Variants in SMG9 observed in about 807,000 individuals in gnomAD.
The protein encoded by SMG9 is SMG9 nonsense mediated mRNA decay factor.
SMG9 carries 55 observed loss-of-function variants against 64.0 expected under a neutral mutation model. The ratio of observed to expected loss-of-function variants is 0.86; its 90% CI spans 0.69 to 1.08. The LOEUF is 1.08. SMG9 is among the 50% of genes least tolerant of loss of function. The pLI, the probability that SMG9 is intolerant of heterozygous loss-of-function variation, is 0.00. For missense variants in SMG9, 554 were observed against 681.3 expected (o/e 0.81, Z 2.08); for synonymous variants, 244 against 254.8 (o/e 0.96, Z 0.41).
intron 7 of SMG9, among the ~76,000 whole-genome samples, chr19:43,738,688 TA>T (rs1968752196): frequency 6.6e-6 from 1 of 152,250 alleles, no homozygotes; most frequent in Non-Finnish European, 1.5e-5. Flanking sequence ...CAAAAAACTT[TA>T]AGAGCTAAAT....
intron 2 of SMG9, 82 bp downstream of exon 2, chr19:43,750,510 C>T: frequency 6.8e-7 from 1 of 1,475,230 alleles, no homozygotes; most frequent in South Asian, 1.3e-5. Flanking sequence ...ATATCCCCGG[C>T]ATCTGGATTA....
rs1398223170 is a variant in SMG9 at position 43,729,823 on chromosome 19, A to T, written c.*1773T>A. On this transcript the variant is annotated 3_prime_UTR_variant, in exon 14 of 14. Coordinates refer to ENST00000270066, the MANE Select transcript of SMG9 (RefSeq NM_019108.4). Reference sequence around the variant, plus strand: ...AAGCATTTCGGTAAAAGGGCAGTGAATGTCACAGCTCTGAAGGGCCTCGAG... The same window carrying T: ...AAGCATTTCGGTAAAAGGGCAGTGATTGTCACAGCTCTGAAGGGCCTCGAG... 1 of 152,352 alleles carries T rather than the reference A, an allele frequency of 6.6e-6. No homozygotes were observed. The highest frequency in any genetic ancestry group is 2.4e-5 in the African/African-American group (1 of 41,462). 9.4% of individuals were successfully genotyped at this position (152,352 alleles called of 1,614,324 possible).
rs9612 is a variant in SMG9, at chr19:43,731,365, A to G, written c.*231T>C. 296,094 of 1,351,690 alleles carry G rather than the reference A, an allele frequency of 0.22. 33,794 individuals carry two copies. Among genetic ancestry groups the G allele is most frequent in the African/African-American group, 0.35 (23,693 of 66,972 alleles). 83.7% of individuals were successfully genotyped at this position (1,351,690 alleles called of 1,614,324 possible). ...CCCTGTGGAGGACACAGGACGGGCT[A>G]CCCCATCTCAGGTTTGGGGTGGGAT... On this transcript the variant is annotated 3_prime_UTR_variant, in exon 14 of 14. Coordinates refer to ENST00000270066, the MANE Select transcript of SMG9 (RefSeq NM_019108.4).
chr19:43,749,728 A>T (rs970817775), intron 2 of SMG9, among the ~76,000 whole-genome samples: 1 of 152,134 alleles, frequency 6.6e-6, no homozygotes, highest in Non-Finnish European at 1.5e-5. Flanking sequence ...GCAGTGAGTC[A>T]CCTAGGTACA....
At chr19:43,744,665 C>T in intron 6 of SMG9, 107 bp downstream of exon 6, 1 of 714,986 alleles carries the variant, frequency 1.4e-6, no homozygotes. Flanking sequence ...AGAAAAGCAA[C>T]TTTCCAAAGT....
chr19:43,746,432 T>C (rs1969007189), intron 5 of SMG9, among the ~76,000 whole-genome samples: 1 of 152,116 alleles, frequency 6.6e-6, no homozygotes, highest in Non-Finnish European at 1.5e-5. Context: ...CTGCAGAAAG[T>C]TTTCCTTAAT....
In SMG9 at chr19:43,728,907, G is replaced by A; in HGVS notation, c.*2689C>T. 1 of 816,666 alleles carries A rather than the reference G, an allele frequency of 1.2e-6. No homozygotes were observed. The allele number at this position is 816,666 out of a possible 1,614,324, so 50.6% of individuals were successfully genotyped here. ...AGTTCCACCTGCTGGGAATGATGAA[G>A]GGACTGGAGAGCCACAAGCAGCAGG... is the stretch of plus-strand genomic sequence containing the variant. On this transcript the variant is annotated 3_prime_UTR_variant, in exon 14 of 14. Transcript: ENST00000270066.
chr19:43,732,576 T>C, intron 13 of SMG9: 1 of 446,360 alleles, frequency 2.2e-6, no homozygotes, highest in Non-Finnish European at 4.1e-6. Context: ...GGCCTTGCTA[T>C]GTAACACTTT....
intron 2 of SMG9, chr19:43,750,345 A>C: frequency 1.5e-6 from 1 of 684,346 alleles, no homozygotes; most frequent in South Asian, 1.4e-5. Context: ...TCTTCATCTC[A>C]GATGCTGGCA....
At chr19:43,752,684 G>A (rs574037311) in intron 1 of SMG9, among the ~76,000 whole-genome samples, 2 of 152,220 alleles carry the variant, frequency 1.3e-5, no homozygotes, top group South Asian at 2.1e-4. Flanking sequence ...GACTGCTTCA[G>A]CCCAGGAGTT....
intron 1 of SMG9, among the ~76,000 whole-genome samples, chr19:43,752,937 AAC>A (rs1334188688): frequency 2.0e-5 from 3 of 150,760 alleles, no homozygotes; most frequent in Non-Finnish European, 4.4e-5. Context: ...GTCTCAAAAA[AAC>A]AGTTTGCTGA....
intron 5 of SMG9, among the ~76,000 whole-genome samples, chr19:43,746,328 T>G (rs1187363182): frequency 6.6e-6 from 1 of 152,218 alleles, no homozygotes; most frequent in Non-Finnish European, 1.5e-5. Context: ...TTCTGTTTGG[T>G]TGTACTAGCC....
intron 5 of SMG9, among the ~76,000 whole-genome samples, chr19:43,745,677 G>A (rs888597859): frequency 3.3e-5 from 5 of 152,116 alleles, no homozygotes. Context: ...GACCAGCCTG[G>A]CCAACATGGT....
At chr19:43,749,983 A>G (rs975920540) in intron 2 of SMG9, among the ~76,000 whole-genome samples, 9 of 152,226 alleles carry the variant, frequency 5.9e-5, no homozygotes, top group African/African-American at 2.2e-4. Flanking sequence ...GTAAGGGTTC[A>G]GGAAGACCCA....
intron 6 of SMG9, among the ~76,000 whole-genome samples, chr19:43,741,509 C>T (rs1364126087): frequency 6.6e-6 from 1 of 152,162 alleles, no homozygotes; most frequent in Non-Finnish European, 1.5e-5. Context: ...AGAGGAGTGA[C>T]AGGATCAGAC....
At chr19:43,746,162 G>A (rs1035520224) in intron 5 of SMG9, among the ~76,000 whole-genome samples, 2 of 152,238 alleles carry the variant, frequency 1.3e-5, no homozygotes, top group Non-Finnish European at 2.9e-5. Context: ...AACAGAGCGA[G>A]ACCGTCTCCT....
intron 6 of SMG9, among the ~76,000 whole-genome samples, chr19:43,741,901 G>A (rs1278164317): frequency 6.6e-6 from 1 of 152,036 alleles, no homozygotes; most frequent in African/African-American, 2.4e-5. Flanking sequence ...TAATCCCAGA[G>A]CTTTGGGAGG....
rs146844109 is a variant in SMG9, at chr19:43,732,990, C to T, written c.1352G>A (p.Ser451Asn). ...CCCAGGCAGCAGGGAGAAGAGTGGG[C>T]TGGAACCAGGTCCTGGAAAGTTGGG... ...ENPPRAGPGSSPLFSLLPGYR... is the reference protein window; with the variant it reads ...ENPPRAGPGSNPLFSLLPGYR... Residue 451 changes from serine to asparagine, a missense_variant, in exon 13 of 14, where the codon AGC becomes AAC. Physicochemically the swap from Ser to Asn is conservative, Grantham distance 46. Transcript: ENST00000270066. 2.8e-5 allele frequency: 45 copies of T among 1,610,948 alleles called. No individual in the cohort carries two copies. In the African/African-American group the frequency reaches 5.2e-4, roughly 19 times the overall value.
chr19:43,747,590 G>C (rs776341677), intron 4 of SMG9, 43 bp downstream of exon 4: 2 of 1,614,076 alleles, frequency 1.2e-6, no homozygotes, highest in South Asian at 1.1e-5. Context: ...GATCTGTGAG[G>C]AGACGCCAGT....
Sources: allele counts gnomAD v4.1 joint callset (sites outside exome capture counted in the v4.1 genomes callset), GRCh38; gene constraint gnomAD v4.1.1; transcripts MANE v1.5; gene names NCBI Gene and HGNC (gene_info 2026-07-23, HGNC 2026-07-21).